Variants in RAG1 observed in about 807,000 individuals in gnomAD.
RAG1 encodes the protein recombination activating 1.
Under a neutral mutation model 62.7 loss-of-function variants are expected in RAG1, and 35 were observed. That is an observed-to-expected ratio of 0.56 (90% CI 0.43 to 0.74). The LOEUF (loss-of-function observed/expected upper bound fraction) is 0.74, where lower values mean the gene tolerates loss of function less well. Among genes scored for constraint, RAG1 ranks in the 30% least tolerant of loss-of-function variants. The probability of loss-of-function intolerance (pLI) is 0.00; values close to 1 mark genes in which losing one functional copy is unlikely to be tolerated. For missense variants in RAG1, 1,169 were observed against 1,278.6 expected, an observed-to-expected ratio of 0.91 and a Z score of 1.31; for synonymous variants, 461 against 470.3, an observed-to-expected ratio of 0.98 and a Z score of 0.26.
chr11:36,544,438 A>G (rs149485671), intron 3 of RAG1, among the ~76,000 whole-genome samples: 679 of 152,330 alleles, frequency 4.5e-3, no homozygotes, highest in African/African-American at 0.015. Flanking sequence ...ATGGTACCAG[A>G]GGAATCTAAG....
At position 36,574,914 on chromosome 11, in the gene RAG1, TTATTGATGGGCTG is replaced by T. The variant is rs749256215; in HGVS notation, c.1612_1624del (p.Ile538LeufsTer29). On this transcript the variant is annotated frameshift_variant, in exon 2 of 2. Transcript: ENST00000299440. LOFTEE classifies it high-confidence loss of function. ...GTGTCTTCCAGCACTGATGTTGGCA[TTATTGATGGGCTG>T]TCTGGACTATCATCCTCTGTGGATG... 1.2e-6 allele frequency: 2 copies of T among 1,614,240 alleles called. No homozygotes were observed. The highest frequency in any genetic ancestry group is 1.7e-6 in the Non-Finnish European group (2 of 1,180,042).
Position 36,579,481 on chromosome 11 carries a change from A to G in RAG1, c.*3045A>G, listed in dbSNP as rs1850903980. ...TTTTGGTGATTATTTTTTGTTTTGTAGAATTGCACTTCAGTTTATTTTCTT... is the reference window on the plus strand; with the variant it reads ...TTTTGGTGATTATTTTTTGTTTTGTGGAATTGCACTTCAGTTTATTTTCTT... On this transcript the variant is annotated 3_prime_UTR_variant, in exon 2 of 2. Coordinates refer to ENST00000299440, the MANE Select transcript of RAG1 (RefSeq NM_000448.3). The G allele has an allele frequency of 6.0e-6, 1 of 166,704 alleles. No homozygotes were observed. The highest frequency in any genetic ancestry group is 6.6e-5 in the Admixed American group (1 of 15,260). 10.3% of individuals were successfully genotyped at this position (166,704 alleles called of 1,614,324 possible). A position where few individuals can be genotyped will look rare whatever the true frequency, so the allele number is the denominator to read the frequency against.
intron 1 of RAG1, among the ~76,000 whole-genome samples, chr11:36,516,288 T>C (rs963033029): frequency 2.0e-5 from 3 of 152,250 alleles, no homozygotes; most frequent in Admixed American, 6.5e-5. Context: ...AGACACATGG[T>C]GTGGTAAAAA....
chr11:36,522,213 A>G (rs1334886991), intron 2 of RAG1, among the ~76,000 whole-genome samples: 1 of 152,176 alleles, frequency 6.6e-6, no homozygotes, highest in Non-Finnish European at 1.5e-5. Context: ...CCCTCCCATC[A>G]CAAGCCCAGA....
chr11:36,535,439 T>C (rs527577769), intron 2 of RAG1, among the ~76,000 whole-genome samples: 16 of 152,310 alleles, frequency 1.1e-4, no homozygotes, highest in African/African-American at 3.8e-4. Context: ...ATGTTAATTA[T>C]AATATATGCA....
At chr11:36,549,305 G>C (rs1324904758) in intron 3 of RAG1, among the ~76,000 whole-genome samples, 1 of 152,148 alleles carries the variant, frequency 6.6e-6, no homozygotes, top group East Asian at 1.9e-4. Flanking sequence ...CTTCTGCACA[G>C]CAAAAGAAAC....
At chr11:36,544,823 A>T (rs1448932681) in intron 3 of RAG1, among the ~76,000 whole-genome samples, 1 of 152,112 alleles carries the variant, frequency 6.6e-6, no homozygotes, top group Non-Finnish European at 1.5e-5. Context: ...AGGAGTTCTC[A>T]TGAGATCTGA....
intron 3 of RAG1, among the ~76,000 whole-genome samples, chr11:36,562,781 G>T (rs1367073811): frequency 6.6e-6 from 1 of 152,164 alleles, no homozygotes; most frequent in African/African-American, 2.4e-5. Context: ...TATTTTCATG[G>T]TATGGAGGCT....
chr11:36,541,284 G>T (rs757805753), intron 3 of RAG1, among the ~76,000 whole-genome samples: 1 of 152,148 alleles, frequency 6.6e-6, no homozygotes. Context: ...GAAATGACTC[G>T]TTACACACAC....
At chr11:36,526,100 A>T (rs1452959659) in intron 2 of RAG1, among the ~76,000 whole-genome samples, 1 of 152,038 alleles carries the variant, frequency 6.6e-6, no homozygotes, top group Non-Finnish European at 1.5e-5. Context: ...TTTGTTAAGA[A>T]TTTTTTTAAG....
intron 3 of RAG1, among the ~76,000 whole-genome samples, chr11:36,541,847 A>G (rs1850307725): frequency 6.6e-6 from 1 of 152,108 alleles, no homozygotes; most frequent in African/African-American, 2.4e-5. Context: ...ATTGCAATAC[A>G]TTGTGGGCTG....
At chr11:36,519,705 T>C (rs1384280704) in intron 1 of RAG1, among the ~76,000 whole-genome samples, 1 of 152,184 alleles carries the variant, frequency 6.6e-6, no homozygotes, top group Non-Finnish European at 1.5e-5. Context: ...CAGAAAGGTA[T>C]CAGTTTGTGT....
chr11:36,541,198 A>G (rs564172466), intron 3 of RAG1, among the ~76,000 whole-genome samples: 2 of 152,330 alleles, frequency 1.3e-5, no homozygotes, highest in South Asian at 4.1e-4. Flanking sequence ...CATCTGCAGC[A>G]TTCGGTTCAA....
upstream of RAG1, among the ~76,000 whole-genome samples, chr11:36,564,095 TC>T (rs1341941648): frequency 6.6e-6 from 1 of 152,226 alleles, no homozygotes; most frequent in East Asian, 1.9e-4. Flanking sequence ...TATTTAGCAA[TC>T]TTATACACCG....
At chr11:36,510,917 A>G (rs1270875667) in exon 1 of RAG1, 1 of 152,216 alleles carries the variant, frequency 6.6e-6, no homozygotes, top group Non-Finnish European at 1.5e-5. Flanking sequence ...CCACCTCTGC[A>G]TATTTGGTTC....
intron 3 of RAG1, among the ~76,000 whole-genome samples, chr11:36,543,364 C>T (rs529938704): frequency 6.6e-6 from 1 of 152,348 alleles, no homozygotes; most frequent in South Asian, 2.1e-4. Flanking sequence ...CCCTCTGATG[C>T]CCTGTACCCC....
At chr11:36,541,061 G>A (rs980732657) in intron 3 of RAG1, among the ~76,000 whole-genome samples, 2 of 152,130 alleles carry the variant, frequency 1.3e-5, no homozygotes, top group Non-Finnish European at 2.9e-5. Context: ...TGATATGATG[G>A]TCTGTTGTTT....
chr11:36,563,083 A>T (rs948815805), upstream of RAG1, among the ~76,000 whole-genome samples: 1 of 151,846 alleles, frequency 6.6e-6, no homozygotes, highest in African/African-American at 2.4e-5. Flanking sequence ...ATTAGAACCC[A>T]CTCTAATGAC....
downstream of RAG1, among the ~76,000 whole-genome samples, chr11:36,539,992 T>G (rs935071764): frequency 3.9e-5 from 6 of 152,224 alleles, no homozygotes; most frequent in African/African-American, 1.4e-4. Context: ...TATCATCTGC[T>G]CAATTAACCT....
Sources: allele counts gnomAD v4.1 joint callset (sites outside exome capture counted in the v4.1 genomes callset), GRCh38; gene constraint gnomAD v4.1.1; transcripts MANE v1.5; gene names NCBI Gene and HGNC (gene_info 2026-07-23, HGNC 2026-07-21).